RTN1: variants seen among roughly 807,000 people sequenced by gnomAD.
RTN1 encodes reticulon-1.
Under a neutral mutation model 65.5 loss-of-function variants are expected in RTN1, and 25 were observed. That is an observed-to-expected ratio of 0.38 (90% CI 0.28 to 0.53). RTN1 has a LOEUF of 0.53. Ranked by LOEUF, RTN1 falls within the 20% of genes least tolerant of loss-of-function variation. The pLI, the probability that RTN1 is intolerant of heterozygous loss-of-function variation, is 0.79. For missense variants in RTN1, 983 were observed against 1,025.4 expected (o/e 0.96, Z 0.57); for synonymous variants, 471 against 447.6 (o/e 1.05, Z -0.66).
intron 1 of RTN1, among the ~76,000 whole-genome samples, chr14:59,750,360 T>TATAATCTATA (rs1566713701): frequency 0.063 from 413 of 6,538 alleles, 24 homozygotes; most frequent in Admixed American, 0.098. Context: ...ATATTATATC[T>TATAATCTATA]ATATATTATA....
At chr14:59,750,184 T>C (rs1243401097) in intron 1 of RTN1, among the ~76,000 whole-genome samples, 2 of 21,812 alleles carry the variant, frequency 9.2e-5, no homozygotes, top group African/African-American at 3.3e-4. Flanking sequence ...TAATATATAA[T>C]ACATATATTA....
chr14:59,830,408 G>A (rs1408001350), intron 1 of RTN1, among the ~76,000 whole-genome samples: 1 of 152,190 alleles, frequency 6.6e-6, no homozygotes, highest in Non-Finnish European at 1.5e-5. Flanking sequence ...AGGAAGCTTA[G>A]GGAAGTCTCT....
chr14:59,839,774 G>GT (rs528886045), intron 1 of RTN1, among the ~76,000 whole-genome samples: 8 of 151,674 alleles, frequency 5.3e-5, no homozygotes, highest in South Asian at 2.1e-4. Flanking sequence ...TAACTCAGGT[G>GT]TTTTTTTTTC....
chr14:59,743,642 A>G (rs2139504519), intron 2 of RTN1, among the ~76,000 whole-genome samples: 1 of 152,212 alleles, frequency 6.6e-6, no homozygotes, highest in East Asian at 1.9e-4. Context: ...CTCAATTTAC[A>G]TCTTAAGTGA....
At chr14:59,703,898 G>A (rs1040660140) in intron 3 of RTN1, among the ~76,000 whole-genome samples, 13 of 152,210 alleles carry the variant, frequency 8.5e-5, no homozygotes, top group African/African-American at 3.1e-4. Context: ...CAGTGAACAG[G>A]AGTGTTCCAG....
chr14:59,796,958 A>C (rs1003976753), intron 1 of RTN1, among the ~76,000 whole-genome samples: 4 of 152,204 alleles, frequency 2.6e-5, no homozygotes, highest in African/African-American at 9.6e-5. Context: ...TGTTGAGTTA[A>C]TCAATAAAAG....
chr14:59,660,761 T>TA (rs555250586), intron 3 of RTN1, among the ~76,000 whole-genome samples: 1 of 152,102 alleles, frequency 6.6e-6, no homozygotes, highest in Non-Finnish European at 1.5e-5. Context: ...TTTATAGCAC[T>TA]AAATTCCCAA....
chr14:59,662,322 C>T (rs1883268086), intron 3 of RTN1, among the ~76,000 whole-genome samples: 1 of 142,326 alleles, frequency 7.0e-6, no homozygotes, highest in Non-Finnish European at 1.5e-5. Context: ...CCCCCCACCC[C>T]ACAACAGGCC....
At chr14:59,681,759 C>T (rs2140222198) in intron 3 of RTN1, among the ~76,000 whole-genome samples, 1 of 152,280 alleles carries the variant, frequency 6.6e-6, no homozygotes, top group East Asian at 1.9e-4. Flanking sequence ...CACTAAGCAG[C>T]CTTCTTTTTC....
At chr14:59,731,450 C>T (rs762528006) in intron 2 of RTN1, among the ~76,000 whole-genome samples, 16 of 151,806 alleles carry the variant, frequency 1.1e-4, no homozygotes, top group African/African-American at 3.9e-4. Context: ...ATACTAAAAA[C>T]CATGGAAATG....
intron 1 of RTN1, among the ~76,000 whole-genome samples, chr14:59,751,191 C>CTTT (rs34021179): frequency 9.5e-4 from 86 of 90,792 alleles, no homozygotes; most frequent in East Asian, 2.5e-3. Flanking sequence ...CTCATTATAC[C>CTTT]TTTTTTTTTT....
chr14:59,781,110 T>C (rs920215659), intron 1 of RTN1, among the ~76,000 whole-genome samples: 1 of 152,158 alleles, frequency 6.6e-6, no homozygotes, highest in Non-Finnish European at 1.5e-5. Flanking sequence ...TGGTGTCTTA[T>C]CCCTGTTTTG....
chr14:59,853,806 A>C (rs551474428), intron 1 of RTN1, among the ~76,000 whole-genome samples: 1 of 151,492 alleles, frequency 6.6e-6, no homozygotes, highest in South Asian at 2.1e-4. Flanking sequence ...TTCTATCCAT[A>C]CAGTTAGTTT....
At position 59,867,108 on chromosome 14, in the gene RTN1, GC is replaced by G. The variant is rs1226489782; in HGVS notation, c.241+3281del. Among the ~76,000 whole-genome samples the G allele has an allele frequency of 7.9e-5, 12 of 152,218 alleles. No individual in the cohort carries two copies. In the East Asian group the frequency reaches 1.5e-3, roughly 20 times the overall value. On this transcript the variant is annotated intron_variant, in intron 1 of 8. Transcript: ENST00000267484. The stretch of plus-strand genomic sequence containing the variant: ...CTTGATTTTGCTTTCCATATATTAA[GC>G]AGTCAATGAGTTAATTTCCAAAGCA...
At chr14:59,691,853 A>C (rs1346886303) in intron 3 of RTN1, among the ~76,000 whole-genome samples, 1 of 152,214 alleles carries the variant, frequency 6.6e-6, no homozygotes, top group Non-Finnish European at 1.5e-5. Flanking sequence ...ATCTCAATAG[A>C]CACAGAAAAA....
intron 1 of RTN1, among the ~76,000 whole-genome samples, chr14:59,760,980 T>C (rs140549259): frequency 0.015 from 2,275 of 152,288 alleles, 72 homozygotes; most frequent in Admixed American, 0.073. Context: ...CCCTCCTAGT[T>C]CTGAGTCCCT....
intron 3 of RTN1, among the ~76,000 whole-genome samples, chr14:59,625,198 A>G (rs1181221576): frequency 2.0e-5 from 3 of 152,238 alleles, no homozygotes. Flanking sequence ...TAATCATAAT[A>G]TTTTTGTCAT....
At chr14:59,722,313 A>G (rs779595126) in intron 3 of RTN1, among the ~76,000 whole-genome samples, 2 of 152,194 alleles carry the variant, frequency 1.3e-5, no homozygotes, top group Non-Finnish European at 1.5e-5. Flanking sequence ...GAGTTTAGAA[A>G]AGAGGATTTC....
At chr14:59,662,334 C>T (rs1339486138) in intron 3 of RTN1, among the ~76,000 whole-genome samples, 2 of 144,590 alleles carry the variant, frequency 1.4e-5, no homozygotes, top group African/African-American at 5.2e-5. Context: ...CAACAGGCCC[C>T]GGTGTGTGAT....
Sources: gnomAD v4.1 joint callset for allele counts (sites outside exome capture counted in the v4.1 genomes callset) on GRCh38, gnomAD v4.1.1 for gene constraint, MANE v1.5 for transcripts, NCBI Gene and HGNC (gene_info 2026-07-23, HGNC 2026-07-21) for gene names.